The following CFAP20DC variants were observed in gnomAD, a reference collection of about 807,000 sequenced individuals.
CFAP20DC encodes protein CFAP20DC.
CFAP20DC carries 84 observed loss-of-function variants against 101.7 expected under a neutral mutation model. That is an observed-to-expected ratio of 0.83 (90% CI 0.69 to 0.99). The LOEUF (loss-of-function observed/expected upper bound fraction) is 0.99. Among genes scored for constraint, CFAP20DC ranks in the 50% least tolerant of loss-of-function variants. The probability of loss-of-function intolerance (pLI) is 0.00; values close to 1 mark genes in which losing one functional copy is unlikely to be tolerated. For synonymous variants in CFAP20DC, 359 were observed against 351.2 expected (o/e 1.02, Z -0.25); for missense variants, 1,007 against 970.3 (o/e 1.04, Z -0.50).
chr3:58,963,655 C>A (rs757912363), intron 4 of CFAP20DC, among the ~76,000 whole-genome samples: 1 of 152,008 alleles, frequency 6.6e-6, no homozygotes, highest in African/African-American at 2.4e-5. Context: ...AAGATACTTT[C>A]ATTATTCATA....
chr3:58,794,375 G>C (rs1196127393), intron 15 of CFAP20DC: 1 of 454,892 alleles, frequency 2.2e-6, no homozygotes, highest in African/African-American at 2.0e-5. Flanking sequence ...GAACAATAAT[G>C]ATAGTGTTAA....
At chr3:59,023,979 C>A (rs1347961473) in intron 4 of CFAP20DC, among the ~76,000 whole-genome samples, 2 of 152,004 alleles carry the variant, frequency 1.3e-5, no homozygotes, top group Non-Finnish European at 2.9e-5. Flanking sequence ...AGGATGAATT[C>A]TTTTGTTTGA....
intron 4 of CFAP20DC, chr3:59,018,310 A>G (rs952337609): frequency 6.6e-6 from 1 of 152,138 alleles, no homozygotes; most frequent in Non-Finnish European, 1.5e-5. Flanking sequence ...AAGAATCATC[A>G]TGCTAAACTG....
At chr3:58,883,190 T>C (rs968244346) in intron 7 of CFAP20DC, among the ~76,000 whole-genome samples, 1 of 152,230 alleles carries the variant, frequency 6.6e-6, no homozygotes, top group African/African-American at 2.4e-5. Context: ...TCACTGAGTC[T>C]TGCCAGTTTT....
chr3:58,862,124 T>A, intron 12 of CFAP20DC: 7 of 943,514 alleles, frequency 7.4e-6, no homozygotes, highest in Non-Finnish European at 8.8e-6. Flanking sequence ...CCATAATACT[T>A]CTCTCATAGT....
chr3:58,799,027 C>G lies in CFAP20DC; in HGVS notation c.2237+7368G>C, dbSNP rs1297849038. Among the ~76,000 whole-genome samples the G allele has an allele frequency of 6.6e-6, 1 of 152,098 alleles. No individual in the cohort carries two copies. The highest frequency in any genetic ancestry group is 1.5e-5 in the Non-Finnish European group (1 of 68,020). ...TTTGCTTTACTGTGGTGGTCTGAAA[C>G]TCAACCTACAATATCTCTGAGGTAC... On this transcript the variant is annotated intron_variant, in intron 15 of 16. Coordinates refer to ENST00000482387, the MANE Select transcript of CFAP20DC (RefSeq NM_001394063.1). This position sits in a 1 kb window ranked among gnomAD's most constrained non-coding sequence, Gnocchi z 4.9.
chr3:58,757,375 T>TAC (rs111878818), intron 15 of CFAP20DC, among the ~76,000 whole-genome samples: 13,473 of 151,842 alleles, frequency 0.089, 896 homozygotes, highest in East Asian at 0.34. Flanking sequence ...TGTACATACA[T>TAC]ACACACACAC....
At chr3:58,911,406 A>C (rs556725883) in intron 6 of CFAP20DC, among the ~76,000 whole-genome samples, 5 of 152,154 alleles carry the variant, frequency 3.3e-5, no homozygotes, top group Admixed American at 2.6e-4. Flanking sequence ...GGTAATATTA[A>C]TCTGTTAGAA....
chr3:58,970,991 A>G (rs182741391), intron 4 of CFAP20DC, among the ~76,000 whole-genome samples: 2 of 152,274 alleles, frequency 1.3e-5, no homozygotes, highest in Non-Finnish European at 2.9e-5. Context: ...TGAGAATTCA[A>G]ATTATACATC....
chr3:59,031,058 G>A (rs1236520501), intron 4 of CFAP20DC, among the ~76,000 whole-genome samples: 2 of 152,110 alleles, frequency 1.3e-5, no homozygotes, highest in Non-Finnish European at 2.9e-5. Context: ...TCCTGACCTC[G>A]TGATCCACAC....
chr3:58,888,515 G>A (rs1383365120), intron 6 of CFAP20DC, among the ~76,000 whole-genome samples: 1 of 152,128 alleles, frequency 6.6e-6, no homozygotes, highest in Non-Finnish European at 1.5e-5. Context: ...CCATCACCCA[G>A]GTATTAAGCC....
At chr3:58,762,439 A>G (rs868556693) in intron 15 of CFAP20DC, among the ~76,000 whole-genome samples, 4 of 151,998 alleles carry the variant, frequency 2.6e-5, no homozygotes, top group East Asian at 1.9e-4. Context: ...GTCTCTGCAC[A>G]TGAGATGGGT....
chr3:58,740,805 C>T (rs1467324520), downstream of CFAP20DC, among the ~76,000 whole-genome samples: 2 of 152,084 alleles, frequency 1.3e-5, no homozygotes, highest in Admixed American at 1.3e-4. This position sits in a 1 kb window ranked among gnomAD's most constrained non-coding sequence, Gnocchi z 4.6. Flanking sequence ...GGTCCTGAGA[C>T]TATTTAAAGC....
intron 4 of CFAP20DC, among the ~76,000 whole-genome samples, chr3:58,967,567 A>T (rs1299311201): frequency 1.3e-5 from 2 of 152,236 alleles, no homozygotes; most frequent in Non-Finnish European, 2.9e-5. Flanking sequence ...GAAAGTAAGA[A>T]GACAACCCAT....
downstream of CFAP20DC, among the ~76,000 whole-genome samples, chr3:58,741,573 T>G (rs1217945174): frequency 6.6e-6 from 1 of 151,978 alleles, no homozygotes; most frequent in Non-Finnish European, 1.5e-5. Context: ...CTTGGCTCAC[T>G]GCAAGCTCTG....
intron 5 of CFAP20DC, among the ~76,000 whole-genome samples, chr3:58,933,342 T>G (rs1288537308): frequency 6.6e-6 from 1 of 151,490 alleles, no homozygotes; most frequent in East Asian, 1.9e-4. Context: ...AACACCCCAC[T>G]GTCAACATTA....
chr3:59,023,938 T>G (rs144218328), intron 4 of CFAP20DC, among the ~76,000 whole-genome samples: 4 of 152,084 alleles, frequency 2.6e-5, no homozygotes, highest in African/African-American at 9.7e-5. Flanking sequence ...AACATTTTCA[T>G]CCCAAAATGT....
chr3:58,998,736 T>C (rs1304401115), intron 4 of CFAP20DC, among the ~76,000 whole-genome samples: 2 of 152,138 alleles, frequency 1.3e-5, no homozygotes, highest in East Asian at 1.9e-4. Flanking sequence ...GCCCTGATGA[T>C]GACGTGTCCC....
At position 58,722,970 on chromosome 3, in the gene CFAP20DC, C is replaced by CA. The variant is rs2067493789; in HGVS notation, c.198-5343dup. On this transcript the variant is annotated intron_variant, in intron 3 of 3. Coordinates refer to the CFAP20DC transcript ENST00000486145. This position sits in a 1 kb window ranked among gnomAD's most constrained non-coding sequence, Gnocchi z 4.5. ...TTCATGAGCACATGATCAGGTTTCT[C>CA]AAACAGTCGAAATCCCTGACAACCA... is the stretch of plus-strand genomic sequence containing the variant. 6.6e-6 allele frequency among the ~76,000 whole-genome samples: 1 copy of CA among 152,218 alleles called. No individual in the cohort carries two copies. The highest frequency in any genetic ancestry group is 1.5e-5 in the Non-Finnish European group (1 of 68,038).
Sources: allele counts gnomAD v4.1 joint callset (sites outside exome capture counted in the v4.1 genomes callset), GRCh38; gene constraint gnomAD v4.1.1; non-coding constraint Gnocchi (gnomAD v3.1); transcripts MANE v1.5; gene names NCBI Gene and HGNC (gene_info 2026-07-23, HGNC 2026-07-21).